The following CLCN6 variants were observed in gnomAD, a reference collection of about 807,000 sequenced individuals.
CLCN6 encodes H(+)/Cl(-) exchange transporter 6.
A neutral mutation model predicts 109.8 loss-of-function variants in CLCN6; 70 were observed. The observed-to-expected ratio is 0.64, with a 90% CI of 0.53 to 0.78. CLCN6 has a LOEUF of 0.78. CLCN6 is among the 30% of genes least tolerant of loss of function. The probability of loss-of-function intolerance (pLI) is 0.00; values close to 1 mark genes in which losing one functional copy is unlikely to be tolerated. For synonymous variants in CLCN6, 444 were observed against 447.8 expected, an observed-to-expected ratio of 0.99 and a Z score of 0.11; for missense variants, 984 against 1,142.3, an observed-to-expected ratio of 0.86 and a Z score of 2.00.
At chr1:11,808,551 G>C (rs1004009084) in intron 2 of CLCN6, among the ~76,000 whole-genome samples, 1 of 152,016 alleles carries the variant, frequency 6.6e-6, no homozygotes, top group African/African-American at 2.4e-5. Context: ...AATATCTACT[G>C]TCCAGATTTT....
At position 11,822,760 on chromosome 1, in the gene CLCN6, C is replaced by G. The variant is rs901812854; in HGVS notation, c.412C>G (p.Leu138Val). The change falls in exon 6 of 23, where the codon CTC becomes GTC. Residue 138 changes from leucine (L) to valine (V), a missense_variant. By Grantham distance (32) the Leu-to-Val change is conservative (BLOSUM62 1). Coordinates refer to ENST00000346436, the MANE Select transcript of CLCN6 (RefSeq NM_001286.5). ...LSLLELLGFN[L>V]TFVFLASLLV... ...TCTCCTTGAACTCCTGGGTTTTAAC[C>G]TCACCTTTGTCTTCCTGGCAAGCCT... The G allele has an allele frequency of 1.9e-6, 3 of 1,614,084 alleles. No individual in the cohort carries two copies. The highest frequency in any genetic ancestry group is 2.5e-6 in the Non-Finnish European group (3 of 1,179,954).
At chr1:11,828,939 T>C (rs182389112) in intron 12 of CLCN6, among the ~76,000 whole-genome samples, 98 of 152,118 alleles carry the variant, frequency 6.4e-4, no homozygotes, top group African/African-American at 2.3e-3. Context: ...CCAGGACTTA[T>C]TATAATGGAA....
At chr1:11,829,955 C>A (rs540931748) in intron 13 of CLCN6, 1 of 152,966 alleles carries the variant, frequency 6.5e-6, no homozygotes, top group African/African-American at 2.4e-5. Context: ...CTCATGGCCT[C>A]TGTGACTATG....
intron 14 of CLCN6, 60 bp from the exon 15 acceptor site, chr1:11,833,817 G>A: frequency 6.4e-7 from 1 of 1,574,538 alleles, no homozygotes; most frequent in Non-Finnish European, 8.6e-7. Flanking sequence ...GGGCCCGGTA[G>A]GTCTACTGGG....
At chr1:11,839,729 C>T (rs1339168713) in intron 22 of CLCN6, among the ~76,000 whole-genome samples, 2 of 152,224 alleles carry the variant, frequency 1.3e-5, no homozygotes, top group African/African-American at 4.8e-5. Flanking sequence ...AACAGTGACA[C>T]GTGGGAACCA....
intron 10 of CLCN6, among the ~76,000 whole-genome samples, chr1:11,827,430 C>CTTTTTTTTT (rs59015951): frequency 1.7e-4 from 18 of 105,026 alleles, no homozygotes; most frequent in South Asian, 6.7e-4. Context: ...ACCGCTGTTA[C>CTTTTTTTTT]TTTTTTTTTT....
chr1:11,813,012 A>C (rs1644622100), intron 2 of CLCN6, among the ~76,000 whole-genome samples: 1 of 152,216 alleles, frequency 6.6e-6, no homozygotes, highest in African/African-American at 2.4e-5. Flanking sequence ...TACAATTTCC[A>C]AAGAGAATCA....
chr1:11,823,081 G>C (rs367784360), intron 6 of CLCN6, among the ~76,000 whole-genome samples: 3 of 152,314 alleles, frequency 2.0e-5, no homozygotes, highest in African/African-American at 7.2e-5. Context: ...CACTACCTGG[G>C]TGACAGGATC....
intron 18 of CLCN6, 89 bp from the exon 19 acceptor site, chr1:11,836,910 C>T (rs1644957191): frequency 1.3e-6 from 2 of 1,487,170 alleles, no homozygotes; most frequent in Admixed American, 3.6e-5. Flanking sequence ...GTGCTTCTGA[C>T]CCTCCCTGTC....
At chr1:11,814,463 G>C (rs1032567925) in intron 2 of CLCN6, among the ~76,000 whole-genome samples, 2 of 151,878 alleles carry the variant, frequency 1.3e-5, no homozygotes, top group African/African-American at 4.8e-5. Context: ...GCCTAGGCTG[G>C]TCTCGAACTT....
intron 5 of CLCN6, chr1:11,820,299 T>C (rs1322589100): frequency 1.4e-6 from 1 of 696,742 alleles, no homozygotes; most frequent in Non-Finnish European, 2.7e-6. Context: ...AAAAAAATGA[T>C]GCTGGGACAT....
At position 11,837,050 on chromosome 1, in the gene CLCN6, A is replaced by G. The variant is rs754151293; in HGVS notation, c.2032A>G (p.Met678Val). ...CGAGCAGCGCAAACGGAGCCAGTCCATGAAGTCCTACCCATCCAGCGAGCT... is the reference window on the plus strand; with the variant it reads ...CGAGCAGCGCAAACGGAGCCAGTCCGTGAAGTCCTACCCATCCAGCGAGCT... ...AGEQRKRSQS[M>V]KSYPSSELRN... The change falls in exon 19 of 23, where the codon ATG becomes GTG. Residue 678 changes from methionine to valine, a missense_variant. Met to Val is a conservative substitution (Grantham distance 21). Transcript: ENST00000346436. 2.5e-6 allele frequency: 4 copies of G among 1,613,182 alleles called. No individual in the cohort carries two copies. The highest frequency in any genetic ancestry group is 3.4e-6 in the Non-Finnish European group (4 of 1,180,024).
At chr1:11,829,638 C>T (rs1032085773) in intron 13 of CLCN6, among the ~76,000 whole-genome samples, 1 of 142,644 alleles carries the variant, frequency 7.0e-6, no homozygotes, top group Non-Finnish European at 1.5e-5. Flanking sequence ...ACAACCCTGG[C>T]GTCACAGAGG....
Position 11,835,307 on chromosome 1 carries a change from C to CT in CLCN6, c.1794-659dup, listed in dbSNP as rs113895924. ...TTCTTTTTTGGGACAGGATCTCACT[C>CT]TGTCGCCTAGGCTGGAGTAGGGTGG... On this transcript the variant is annotated intron_variant, in intron 17 of 22. Coordinates refer to ENST00000346436, the MANE Select transcript of CLCN6 (RefSeq NM_001286.5). Among the ~76,000 whole-genome samples the CT allele has an allele frequency of 3.3e-5, 5 of 152,314 alleles. 1 individual carries two copies. Among genetic ancestry groups the CT allele is most frequent in the African/African-American group, 1.2e-4 (5 of 41,560 alleles).
chr1:11,834,486 G>T lies in CLCN6; in HGVS notation c.1689G>T (p.Val563=). 1 of 1,614,102 alleles carries T rather than the reference G, an allele frequency of 6.2e-7. No homozygotes were observed. Among genetic ancestry groups the T allele is most frequent in the Non-Finnish European group, 8.5e-7 (1 of 1,179,996 alleles). Reference sequence around the variant, plus strand: ...TAGGTCTTTGCTTTGTGTTTCAGGTGGCCAAATGGACAGGGGACTTTTTCA... The same window carrying T: ...TAGGTCTTTGCTTTGTGTTTCAGGTTGCCAAATGGACAGGGGACTTTTTCA... ...YGLPIMVTLM[V]AKWTGDFFNK... Residue 563 remains valine, a splice_region_variant and synonymous_variant, in exon 17 of 23, where the codon GTG becomes GTT. Transcript: ENST00000346436. The surrounding 1 kb of genome is among the most constrained non-coding windows in gnomAD (Gnocchi z 4.5).
In CLCN6 at chr1:11,842,201, G is replaced by A. The variant is rs901776573; in HGVS notation, c.*1978G>A. The stretch of plus-strand genomic sequence containing the variant: ...CCCCGGCCTCTCGAGGGCTGGATCA[G>A]CAGCCGCCTGCCCTGAGGCTGCCCC... On this transcript the variant is annotated 3_prime_UTR_variant, in exon 23 of 23. Coordinates refer to ENST00000346436, the MANE Select transcript of CLCN6 (RefSeq NM_001286.5). The A allele has an allele frequency of 1.3e-5, 2 of 152,316 alleles. No homozygotes were observed. Among genetic ancestry groups the A allele is most frequent in the Non-Finnish European group, 2.9e-5 (2 of 68,050 alleles). The allele number at this position is 152,316 out of a possible 1,614,324, so 9.4% of individuals were successfully genotyped here.
Position 11,827,070 on chromosome 1 carries a change from GTC to G in CLCN6, c.708-12_708-11del, listed in dbSNP as rs747126946. ...CTGGGGGCTCTTTATTGGATAACCCGTCTCTCTCCTCTCCTCAGAGACAAGAG... is the reference window on the plus strand; with the variant it reads ...CTGGGGGCTCTTTATTGGATAACCCGTCTCTCCTCTCCTCAGAGACAAGAG... On this transcript the variant is annotated splice_polypyrimidine_tract_variant and intron_variant, in intron 9 of 22. Coordinates refer to ENST00000346436, the MANE Select transcript of CLCN6 (RefSeq NM_001286.5). 2.5e-6 allele frequency: 4 copies of G among 1,612,204 alleles called. No individual in the cohort carries two copies. The highest frequency in any genetic ancestry group is 2.5e-6 in the Non-Finnish European group (3 of 1,179,358).
At position 11,838,417 on chromosome 1, in the gene CLCN6, C is replaced by T. The variant is rs777164079; in HGVS notation, c.2378C>T (p.Thr793Met). 26 of 1,614,156 alleles carry T rather than the reference C, an allele frequency of 1.6e-5. No homozygotes were observed. The highest frequency in any genetic ancestry group is 5.3e-5 in the African/African-American group (4 of 75,080). Residue 793 changes from threonine (T) to methionine (M), a missense_variant, in exon 21 of 23, where the codon ACG becomes ATG. Coordinates refer to ENST00000346436, the MANE Select transcript of CLCN6 (RefSeq NM_001286.5). ...RYPDIHDLDL[T>M]LLNPRMIVDV... ...CCCGACATCCACGACCTGGACCTGA[C>T]GCTGCTCAACCCGCGCATGATCGTG...
Position 11,834,042 on chromosome 1 carries a change from G to GTGTGCGTGTGTGTGCGCA in CLCN6, c.1526+18_1526+35dup, listed in dbSNP as rs745894560. On this transcript the variant is annotated intron_variant, in intron 15 of 22. Coordinates refer to ENST00000346436, the MANE Select transcript of CLCN6 (RefSeq NM_001286.5). This position sits in a 1 kb window ranked among gnomAD's most constrained non-coding sequence, Gnocchi z 4.5. ...AATGTCCTAAAAAGGTACTCTGTGT[G>GTGTGCGTGTGTGTGCGCA]TGTGCGTGTGTGTGCGCATGTGCAT... is the stretch of plus-strand genomic sequence containing the variant. 7 of 1,612,634 alleles carry GTGTGCGTGTGTGTGCGCA rather than the reference G, an allele frequency of 4.3e-6. No individual in the cohort carries two copies. The highest frequency in any genetic ancestry group is 1.1e-5 in the South Asian group (1 of 90,954).
Sources: allele counts gnomAD v4.1 joint callset (sites outside exome capture counted in the v4.1 genomes callset), GRCh38; gene constraint gnomAD v4.1.1; non-coding constraint Gnocchi (gnomAD v3.1); transcripts MANE v1.5; gene names NCBI Gene and HGNC (gene_info 2026-07-23, HGNC 2026-07-21).